KCNQ1OT1: variants seen among roughly 807,000 people sequenced by gnomAD.
KCNQ1OT1 encodes the protein KCNQ1 opposite strand/antisense transcript 1.
exon 1 of KCNQ1OT1, chr11:2,649,669 G>A (rs753275561): frequency 3.3e-5 from 13 of 398,430 alleles, no homozygotes; most frequent in African/African-American, 1.0e-4. Flanking sequence ...TGAAAAATCT[G>A]TTAATCTGCT....
chr11:2,659,857 T>C lies in KCNQ1OT1; in HGVS notation n.40138A>G, dbSNP rs1849919320. The C allele has an allele frequency of 2.5e-6, 1 of 398,328 alleles. No homozygotes were observed. 24.7% of individuals were successfully genotyped at this position (398,328 alleles called of 1,614,324 possible). A position where few individuals can be genotyped will look rare whatever the true frequency, so the allele number is the denominator to read the frequency against. On this transcript the variant is annotated non_coding_transcript_exon_variant, in exon 1 of 1. Coordinates refer to ENST00000597346, the Ensembl canonical transcript of KCNQ1OT1. This position sits in a 1 kb window ranked among gnomAD's most constrained non-coding sequence, Gnocchi z 4.3. Reference sequence around the variant, plus strand: ...TATGTTAATTATGTATCTTTTCATGTGCTTATTTATAATCCATTTTTAAAA... The same window carrying C: ...TATGTTAATTATGTATCTTTTCATGCGCTTATTTATAATCCATTTTTAAAA...
exon 1 of KCNQ1OT1, chr11:2,631,472 T>C (rs1054063716): frequency 7.6e-6 from 3 of 396,780 alleles, no homozygotes; most frequent in African/African-American, 2.1e-5. Flanking sequence ...TCTCCTTTTG[T>C]GTATTAATGA....
At chr11:2,648,351 T>C (rs1849699850) in exon 1 of KCNQ1OT1, 3 of 398,544 alleles carry the variant, frequency 7.5e-6, no homozygotes, top group Non-Finnish European at 1.3e-5. Context: ...TTCCTTGAGA[T>C]GCGTTTATTA....
exon 1 of KCNQ1OT1, chr11:2,634,621 A>G (rs1199027016): frequency 2.0e-5 from 3 of 152,174 alleles, no homozygotes; most frequent in Non-Finnish European, 4.4e-5. Flanking sequence ...GCTATCGTGA[A>G]TAGTGCTGCA....
At chr11:2,681,509 G>T in exon 1 of KCNQ1OT1, 1 of 398,396 alleles carries the variant, frequency 2.5e-6, no homozygotes, top group Non-Finnish European at 4.4e-6. Flanking sequence ...AGTCAAACTG[G>T]TCCAGGTTAA....
rs951072070 is a variant in KCNQ1OT1 at position 2,626,755 on chromosome 11, C to G, written n.73240G>C. Reference sequence around the variant, plus strand: ...TGTTCCCCAGGCTGGTCTCAAACTCCTGGACTCAGAAGTCCTCCCACCTCA... The same window carrying G: ...TGTTCCCCAGGCTGGTCTCAAACTCGTGGACTCAGAAGTCCTCCCACCTCA... On this transcript the variant is annotated non_coding_transcript_exon_variant, in exon 1 of 1. Coordinates refer to ENST00000597346, the Ensembl canonical transcript of KCNQ1OT1. This position sits in a 1 kb window ranked among gnomAD's most constrained non-coding sequence, Gnocchi z 4.0. 1 of 398,566 alleles carries G rather than the reference C, an allele frequency of 2.5e-6. No homozygotes were observed. The allele number at this position is 398,566 out of a possible 1,614,324, so 24.7% of individuals were successfully genotyped here.
chr11:2,633,975 T>C (rs954752461), exon 1 of KCNQ1OT1: 83 of 398,430 alleles, frequency 2.1e-4, no homozygotes, highest in Middle Eastern at 6.2e-4. Context: ...AGTTCAAATC[T>C]ATGTTGTTGA....
exon 1 of KCNQ1OT1, chr11:2,637,558 A>T (rs1849494366): frequency 6.6e-6 from 1 of 152,174 alleles, no homozygotes; most frequent in Non-Finnish European, 1.5e-5. Flanking sequence ...ACAGTTTGTT[A>T]TAGTTTCTGT....
Position 2,657,316 on chromosome 11 carries a change from C to T in KCNQ1OT1, n.42679G>A, listed in dbSNP as rs1038746923. The T allele has an allele frequency of 2.5e-6, 1 of 398,580 alleles. No individual in the cohort carries two copies. The highest frequency in any genetic ancestry group is 4.4e-6 in the Non-Finnish European group (1 of 226,054). 24.7% of individuals were successfully genotyped at this position (398,580 alleles called of 1,614,324 possible). ...TATTCAGATTTTGAGATAATCTTTT[C>T]AGTATTGAGTCTTCTAGTCATTGGA... On this transcript the variant is annotated non_coding_transcript_exon_variant, in exon 1 of 1. Coordinates refer to ENST00000597346, the Ensembl canonical transcript of KCNQ1OT1. The surrounding 1 kb of genome is among the most constrained non-coding windows in gnomAD (Gnocchi z 4.8).
chr11:2,626,894 T>C lies in KCNQ1OT1; in HGVS notation n.73101A>G. On this transcript the variant is annotated non_coding_transcript_exon_variant, in exon 1 of 1. Coordinates refer to ENST00000597346, the Ensembl canonical transcript of KCNQ1OT1. This position sits in a 1 kb window ranked among gnomAD's most constrained non-coding sequence, Gnocchi z 4.0. ...TTGTTCATCATTTTCAAGAATGTTT[T>C]AGCTATTCAAGGTCCCTTGAGATTC... 2.5e-6 allele frequency: 1 copy of C among 398,612 alleles called. No homozygotes were observed. The highest frequency in any genetic ancestry group is 4.4e-6 in the Non-Finnish European group (1 of 226,058). The allele number at this position is 398,612 out of a possible 1,614,324, so 24.7% of individuals were successfully genotyped here. A position where few individuals can be genotyped will look rare whatever the true frequency, so the allele number is the denominator to read the frequency against.
Position 2,627,789 on chromosome 11 carries a change from C to A in KCNQ1OT1, n.72206G>T. 1 of 398,328 alleles carries A rather than the reference C, an allele frequency of 2.5e-6. No homozygotes were observed. The highest frequency in any genetic ancestry group is 1.3e-4 in the South Asian group (1 of 7,640). 24.7% of individuals were successfully genotyped at this position (398,328 alleles called of 1,614,324 possible). ...TTTTTGAGACAGGGTCTCCATCTGT[C>A]ATCCAGGCAGGAGTACAGTGGCACA... On this transcript the variant is annotated non_coding_transcript_exon_variant, in exon 1 of 1. Coordinates refer to ENST00000597346, the Ensembl canonical transcript of KCNQ1OT1. This position sits in a 1 kb window ranked among gnomAD's most constrained non-coding sequence, Gnocchi z 4.9.
At chr11:2,666,490 G>A in exon 1 of KCNQ1OT1, 1 of 398,692 alleles carries the variant, frequency 2.5e-6, no homozygotes, top group Non-Finnish European at 4.4e-6. Context: ...CATTCGAGTT[G>A]CTCTTTTCCA....
At chr11:2,662,182 A>C in exon 1 of KCNQ1OT1, 2 of 1,524,868 alleles carry the variant, frequency 1.3e-6, no homozygotes, top group Non-Finnish European at 1.8e-6. Context: ...CCAGAGTGCT[A>C]TCTACTCGCC....
exon 1 of KCNQ1OT1, chr11:2,672,864 C>T (rs189269012): frequency 5.0e-6 from 2 of 398,742 alleles, no homozygotes; most frequent in East Asian, 3.6e-5. Context: ...GAGTGTCATA[C>T]CCTAGCCACC....
chr11:2,661,388 AGCTGTTGGAGGGACTCCTGT>A lies in KCNQ1OT1; in HGVS notation n.38587_38606del, dbSNP rs1365877072. ...GGCCCAGGAATCATAATGTGAAGCC[AGCTGTTGGAGGGACTCCTGT>A]GCCTCATTGGGGGTACAACTGGTTG... On this transcript the variant is annotated non_coding_transcript_exon_variant, in exon 1 of 1. Coordinates refer to ENST00000597346, the Ensembl canonical transcript of KCNQ1OT1. The surrounding 1 kb of genome is among the most constrained non-coding windows in gnomAD (Gnocchi z 5.9). The A allele has an allele frequency of 4.9e-6, 2 of 407,760 alleles. No individual in the cohort carries two copies. The highest frequency in any genetic ancestry group is 8.7e-6 in the Non-Finnish European group (2 of 231,020). 25.3% of individuals were successfully genotyped at this position (407,760 alleles called of 1,614,324 possible).
chr11:2,655,770 C>G (rs231345), exon 1 of KCNQ1OT1: 41,627 of 395,980 alleles, frequency 0.11, 2,427 homozygotes, highest in Middle Eastern at 0.16. Context: ...CAGCTCTGGT[C>G]ACTGCCTCCC....
exon 1 of KCNQ1OT1, chr11:2,641,755 T>C: frequency 2.5e-6 from 1 of 398,472 alleles, no homozygotes; most frequent in Admixed American, 4.4e-5. Flanking sequence ...TCATTAATAG[T>C]GATGTTATAG....
exon 1 of KCNQ1OT1, chr11:2,644,094 A>G (rs1590001239): frequency 1.0e-5 from 4 of 398,512 alleles, no homozygotes; most frequent in Non-Finnish European, 1.8e-5. Context: ...TCTGAATTGT[A>G]TCTATTTAGG....
chr11:2,672,241 CT>C, exon 1 of KCNQ1OT1: 1 of 398,620 alleles, frequency 2.5e-6, no homozygotes, highest in Non-Finnish European at 4.4e-6. Context: ...TACTCAAATG[CT>C]TTTTTCTGCT....
Sources: allele counts gnomAD v4.1 joint callset, GRCh38; gene constraint gnomAD v4.1.1; non-coding constraint Gnocchi (gnomAD v3.1); transcripts MANE v1.5; gene names NCBI Gene and HGNC (gene_info 2026-07-23, HGNC 2026-07-21).